Variants in SV2C observed in about 807,000 individuals in gnomAD.
SV2C encodes the protein synaptic vesicle glycoprotein 2C, also known as solute carrier family 22 member B3.
In SV2C, 49 loss-of-function variants were observed where a neutral mutation model predicts 79.7. That is an observed-to-expected ratio of 0.61 (90% CI 0.49 to 0.78). The LOEUF (loss-of-function observed/expected upper bound fraction) is 0.78. SV2C is among the 30% of genes least tolerant of loss of function. SV2C has a pLI of 0.00. For synonymous variants in SV2C, 334 were observed against 333.2 expected, an observed-to-expected ratio of 1.00 and a Z score of -0.03; for missense variants, 833 against 912.9, an observed-to-expected ratio of 0.91 and a Z score of 1.13.
the SV2C span, among the ~76,000 whole-genome samples, chr5:75,973,306 C>G: frequency 6.6e-6 from 1 of 151,274 alleles, no homozygotes; most frequent in African/African-American, 2.4e-5. Context: ...GCACACGTAC[C>G]CTAAAACTTA....
chr5:76,091,575 C>G (rs1471411346), intron 1 of SV2C: 1 of 152,262 alleles, frequency 6.6e-6, no homozygotes, highest in African/African-American at 2.4e-5. Flanking sequence ...TACGAACATG[C>G]CAAGTGATAC....
chr5:76,009,224 C>A, the SV2C span, among the ~76,000 whole-genome samples: 5 of 152,116 alleles, frequency 3.3e-5, no homozygotes, highest in Non-Finnish European at 4.4e-5. Flanking sequence ...GCATCTCATA[C>A]CAGTCAGAAT....
At chr5:76,073,919 A>T in the SV2C span, among the ~76,000 whole-genome samples, 1 of 152,302 alleles carries the variant, frequency 6.6e-6, no homozygotes, top group African/African-American at 2.4e-5. Context: ...AATTAATTTT[A>T]AAAAAAGAAG....
At chr5:76,026,035 G>A in the SV2C span, among the ~76,000 whole-genome samples, 20 of 151,964 alleles carry the variant, frequency 1.3e-4, no homozygotes, top group Non-Finnish European at 7.4e-5. Context: ...CCCTTTATAA[G>A]GCATCCTATC....
intron 6 of SV2C, among the ~76,000 whole-genome samples, chr5:76,287,353 T>C (rs1282206496): frequency 4.6e-5 from 7 of 152,194 alleles, no homozygotes; most frequent in Non-Finnish European, 1.0e-4. Context: ...TAGCTTGACA[T>C]GAACATAAGG....
chr5:75,905,151 A>G, the SV2C span, among the ~76,000 whole-genome samples: 1 of 152,226 alleles, frequency 6.6e-6, no homozygotes, highest in Non-Finnish European at 1.5e-5. Context: ...GAACTCTTGA[A>G]TGTTCCAAGA....
At chr5:76,338,028 C>T (rs1310550497), downstream of SV2C, among the ~76,000 whole-genome samples, 1 of 152,194 alleles carries the variant, frequency 6.6e-6, no homozygotes, top group African/African-American at 2.4e-5. Context: ...TTGGATAAGA[C>T]CATGCCACCT....
At chr5:75,853,557 A>C in the SV2C span, among the ~76,000 whole-genome samples, 1 of 141,502 alleles carries the variant, frequency 7.1e-6, no homozygotes, top group African/African-American at 2.6e-5. Context: ...CTCCTTCTCA[A>C]AAAAAAAAAA....
chr5:76,258,660 GT>G (rs1322419164), intron 4 of SV2C, among the ~76,000 whole-genome samples: 1 of 152,010 alleles, frequency 6.6e-6, no homozygotes, highest in Non-Finnish European at 1.5e-5. Context: ...TTTTTTTGTT[GT>G]TATCGCACCA....
intron 4 of SV2C, among the ~76,000 whole-genome samples, chr5:76,235,103 A>C (rs910706631): frequency 2.0e-5 from 3 of 149,874 alleles, no homozygotes; most frequent in Non-Finnish European, 4.4e-5. Context: ...CCCAATTGTG[A>C]TTTGCTTTAA....
intron 4 of SV2C, among the ~76,000 whole-genome samples, chr5:76,211,125 A>G (rs1744755274): frequency 6.6e-6 from 1 of 152,152 alleles, no homozygotes. Flanking sequence ...TTGTGGGCTC[A>G]GTCCAAAGCT....
chr5:76,177,766 T>G (rs574536762), intron 2 of SV2C, among the ~76,000 whole-genome samples: 1 of 152,030 alleles, frequency 6.6e-6, no homozygotes, highest in Non-Finnish European at 1.5e-5. Context: ...GCTAGGTGAT[T>G]CTTCTGTTCT....
intron 3 of SV2C, among the ~76,000 whole-genome samples, chr5:76,206,412 G>C (rs1188056668): frequency 6.6e-6 from 1 of 152,202 alleles, no homozygotes; most frequent in East Asian, 1.9e-4. Flanking sequence ...AGGACCGTCA[G>C]GTCATTTGGT....
rs202064469 is a variant in SV2C at position 76,298,747 on chromosome 5, A to G, written c.1503-47A>G. 1,043 of 1,598,302 alleles carry G rather than the reference A, an allele frequency of 6.5e-4. 5 individuals carry two copies. Among genetic ancestry groups the G allele is most frequent in the South Asian group, 1.7e-3 (148 of 89,148 alleles). ...CTATTTGACTTAGCTTTGAACTTTGATGGACACAGTCATTGATTGATATGA... is the reference window on the plus strand; with the variant it reads ...CTATTTGACTTAGCTTTGAACTTTGGTGGACACAGTCATTGATTGATATGA... On this transcript the variant is annotated intron_variant, in intron 9 of 12. Coordinates refer to ENST00000502798, the MANE Select transcript of SV2C (RefSeq NM_014979.4).
chr5:76,086,588 C>T (rs757169626), intron 1 of SV2C, among the ~76,000 whole-genome samples: 4 of 152,054 alleles, frequency 2.6e-5, no homozygotes, highest in Non-Finnish European at 5.9e-5. Flanking sequence ...TAAACACAAA[C>T]TCATCATTTC....
At chr5:75,984,595 CTACCT>C in the SV2C span, among the ~76,000 whole-genome samples, 1 of 79,918 alleles carries the variant, frequency 1.3e-5, no homozygotes, top group African/African-American at 3.1e-5. Flanking sequence ...ATCTATCTAT[CTACCT>C]ATCTATCTAT....
intron 4 of SV2C, among the ~76,000 whole-genome samples, chr5:76,271,226 G>A (rs1163102285): frequency 6.6e-6 from 1 of 152,138 alleles, no homozygotes; most frequent in Non-Finnish European, 1.5e-5. Flanking sequence ...CCCACAGTTT[G>A]GGGCTCACCA....
the SV2C span, among the ~76,000 whole-genome samples, chr5:76,005,778 C>T: frequency 6.6e-6 from 1 of 152,148 alleles, no homozygotes; most frequent in Non-Finnish European, 1.5e-5. Context: ...GAGGGAAAAT[C>T]AGAGTTCCAG....
At chr5:75,911,898 C>T in the SV2C span, 3 of 501,716 alleles carry the variant, frequency 6.0e-6, no homozygotes, top group Admixed American at 4.2e-5. Flanking sequence ...CTCCTCTCAC[C>T]CCACACCTCC....
Sources: allele counts gnomAD v4.1 joint callset (sites outside exome capture counted in the v4.1 genomes callset), GRCh38; gene constraint gnomAD v4.1.1; transcripts MANE v1.5; gene names NCBI Gene and HGNC (gene_info 2026-07-23, HGNC 2026-07-21).